MED12L: variants seen among roughly 807,000 people sequenced by gnomAD.
MED12L encodes the protein mediator of RNA polymerase II transcription subunit 12-like protein.
In MED12L, 60 loss-of-function variants were observed where a neutral mutation model predicts 281.3. The observed-to-expected ratio is 0.21, with a 90% CI of 0.17 to 0.26. The LOEUF (loss-of-function observed/expected upper bound fraction) is 0.26. Among genes scored for constraint, MED12L ranks in the 10% least tolerant of loss-of-function variants. The pLI is 1.00. For missense variants in MED12L, 2,146 were observed against 2,680.9 expected (o/e 0.80, Z 4.41); for synonymous variants, 974 against 987.2 (o/e 0.99, Z 0.25).
intron 16 of MED12L, chr3:151,326,535 A>C (rs567633607): frequency 2.0e-5 from 3 of 152,456 alleles, no homozygotes; most frequent in Non-Finnish European, 2.9e-5. Flanking sequence ...AGTGATGACA[A>C]CATAGGGTTT....
chr3:151,384,653 A>G (rs1276833981), intron 35 of MED12L: 1 of 197,082 alleles, frequency 5.1e-6, no homozygotes, highest in Non-Finnish European at 1.0e-5. Context: ...GAAACCAAAT[A>G]AATCTGATGC....
chr3:151,378,676 A>T (rs1470446585), intron 31 of MED12L, among the ~76,000 whole-genome samples: 3 of 152,162 alleles, frequency 2.0e-5, no homozygotes, highest in Admixed American at 6.5e-5. Flanking sequence ...GCCCAAGAAA[A>T]GGTTTCAAGT....
chr3:151,384,671 A>G (rs1713017334), intron 35 of MED12L: 1 of 200,932 alleles, frequency 5.0e-6, no homozygotes. Flanking sequence ...TGCATTACCA[A>G]TCAAATAAAT....
intron 39 of MED12L, among the ~76,000 whole-genome samples, chr3:151,399,609 A>G (rs1271109638): frequency 6.6e-6 from 1 of 152,186 alleles, no homozygotes; most frequent in Non-Finnish European, 1.5e-5. Flanking sequence ...GTATCACTGT[A>G]TTTTATTTTT....
At chr3:151,389,266 G>A (rs1713864319) in intron 37 of MED12L, among the ~76,000 whole-genome samples, 1 of 152,064 alleles carries the variant, frequency 6.6e-6, no homozygotes. Context: ...AACCAATCCT[G>A]CTCCCCAGGT....
intron 5 of MED12L, among the ~76,000 whole-genome samples, chr3:151,150,987 A>G (rs1030941433): frequency 1.5e-4 from 20 of 133,756 alleles, no homozygotes; most frequent in Admixed American, 1.2e-3. Context: ...TATCAGCAAT[A>G]AAGTTGTTTT....
At position 151,414,542 on chromosome 3, in the gene MED12L, G is replaced by A. The variant is rs899307126; in HGVS notation, c.6297+1247G>A. 5.9e-5 allele frequency among the ~76,000 whole-genome samples: 9 copies of A among 152,274 alleles called. No individual in the cohort carries two copies. In the South Asian group the frequency reaches 8.3e-4, roughly 14 times the overall value. On this transcript the variant is annotated intron_variant, in intron 42 of 44. Transcript: ENST00000687756. Reference sequence around the variant, plus strand: ...CCTGAGCATTTGAACCACAAGCTCCGGTGGGTTTGAGTCTGAATTCAGTGT... The same window carrying A: ...CCTGAGCATTTGAACCACAAGCTCCAGTGGGTTTGAGTCTGAATTCAGTGT...
chr3:151,189,178 A>G (rs1723645296), intron 13 of MED12L, among the ~76,000 whole-genome samples: 1 of 152,196 alleles, frequency 6.6e-6, no homozygotes, highest in African/African-American at 2.4e-5. Flanking sequence ...GAGGAGGAAG[A>G]TGCTTGTGAA....
rs766571463 is a variant in MED12L, at chr3:151,338,141, G to A, written c.2251-11918G>A. 21 of 1,613,990 alleles carry A rather than the reference G, an allele frequency of 1.3e-5. No homozygotes were observed. The highest frequency in any genetic ancestry group is 3.3e-5 in the South Asian group (3 of 91,074). ...CAGCAATGATAATGAAAACTTTGAC[G>A]TTCACCTTTTTCCTGGGGACTTTAC... On this transcript the variant is annotated intron_variant, in intron 16 of 44. Coordinates refer to ENST00000687756, the MANE Select transcript of MED12L (RefSeq NM_001393769.1).
chr3:151,104,759 A>G (rs771273757), intron 2 of MED12L, among the ~76,000 whole-genome samples: 1 of 152,148 alleles, frequency 6.6e-6, no homozygotes, highest in Non-Finnish European at 1.5e-5. Context: ...ATGCAGGGCC[A>G]TCCTCCCTCT....
At chr3:151,366,865 GT>G (rs1195814549) in intron 23 of MED12L, among the ~76,000 whole-genome samples, 3 of 151,808 alleles carry the variant, frequency 2.0e-5, no homozygotes, top group Non-Finnish European at 4.4e-5. Flanking sequence ...TCTCTTAGTT[GT>G]TTTTTTAAAT....
chr3:151,228,599 G>T (rs1731005022), intron 16 of MED12L, among the ~76,000 whole-genome samples: 1 of 152,176 alleles, frequency 6.6e-6, no homozygotes, highest in Admixed American at 6.5e-5. Context: ...GACAAATTGG[G>T]AGAGGTTTTG....
chr3:151,401,137 C>CT (rs1268442483), intron 39 of MED12L, among the ~76,000 whole-genome samples: 1 of 152,006 alleles, frequency 6.6e-6, no homozygotes, highest in Non-Finnish European at 1.5e-5. Flanking sequence ...TATTTTGCGG[C>CT]TTTTTTGTAG....
At chr3:151,276,088 G>A (rs1741805022) in intron 16 of MED12L, among the ~76,000 whole-genome samples, 1 of 152,208 alleles carries the variant, frequency 6.6e-6, no homozygotes, top group East Asian at 1.9e-4. Flanking sequence ...ATAGAAAGGA[G>A]GCACTATTTT....
At chr3:151,370,084 G>A (rs1402577603) in intron 26 of MED12L, among the ~76,000 whole-genome samples, 1 of 152,074 alleles carries the variant, frequency 6.6e-6, no homozygotes, top group African/African-American at 2.4e-5. Context: ...TCAATATTAA[G>A]TTTCACAATA....
chr3:151,420,799 T>C (rs186304856), intron 43 of MED12L, among the ~76,000 whole-genome samples: 128 of 152,310 alleles, frequency 8.4e-4, no homozygotes, highest in Admixed American at 3.0e-3. Flanking sequence ...GAGGCAGTGC[T>C]GTGTGGGATA....
At chr3:151,183,176 C>T (rs1219791165) in intron 11 of MED12L, among the ~76,000 whole-genome samples, 1 of 152,086 alleles carries the variant, frequency 6.6e-6, no homozygotes, top group East Asian at 1.9e-4. Flanking sequence ...AAATAAAAAT[C>T]TCCTGTAGTC....
chr3:151,165,991 T>C lies in MED12L; in HGVS notation c.1494+9T>C, dbSNP rs751217753. The stretch of plus-strand genomic sequence containing the variant: ...ACAAAGATAACCAAGAGGTAGTTAA[T>C]TTTTTTTTAATTCTTTTCACCTTTT... On this transcript the variant is annotated intron_variant, in intron 11 of 44. Coordinates refer to ENST00000687756, the MANE Select transcript of MED12L (RefSeq NM_001393769.1). The C allele has an allele frequency of 2.6e-6, 4 of 1,546,160 alleles. No individual in the cohort carries two copies. In the Admixed American group the frequency reaches 5.8e-5, roughly 23 times the overall value.
At chr3:151,254,331 G>A (rs1559943844) in intron 16 of MED12L, among the ~76,000 whole-genome samples, 1 of 152,132 alleles carries the variant, frequency 6.6e-6, no homozygotes, top group Admixed American at 6.5e-5. Flanking sequence ...CGTAACTAGA[G>A]CTATATGAGT....
Sources: allele counts gnomAD v4.1 joint callset (sites outside exome capture counted in the v4.1 genomes callset), GRCh38; gene constraint gnomAD v4.1.1; transcripts MANE v1.5; gene names NCBI Gene and HGNC (gene_info 2026-07-23, HGNC 2026-07-21).